Variants in YEATS2 observed in about 807,000 individuals in gnomAD.
YEATS2 encodes YEATS domain-containing protein 2.
A neutral mutation model predicts 163.2 loss-of-function variants in YEATS2; 77 were observed. The ratio of observed to expected loss-of-function variants is 0.47; its 90% CI spans 0.39 to 0.57. YEATS2 has a LOEUF of 0.57. Among genes scored for constraint, YEATS2 ranks in the 20% least tolerant of loss-of-function variants. YEATS2 has a pLI of 0.00. For missense variants in YEATS2, 1,549 were observed against 1,729.8 expected (o/e 0.90, Z 1.85); for synonymous variants, 631 against 645.1 (o/e 0.98, Z 0.33).
chr3:183,707,678 ATTTTTTTT>A (rs1176429941), intron 1 of YEATS2, among the ~76,000 whole-genome samples: 1 of 106,158 alleles, frequency 9.4e-6, no homozygotes, highest in Non-Finnish European at 1.9e-5. Flanking sequence ...TTCCCCACCT[ATTTTTTTT>A]TTTTTTTTTT....
Position 183,794,938 on chromosome 3 carries a change from C to T in YEATS2, c.3098-2985C>T, listed in dbSNP as rs1028155167. Among the ~76,000 whole-genome samples, 9 of 151,302 alleles carry T rather than the reference C, an allele frequency of 5.9e-5. No individual in the cohort carries two copies. The South Asian group carries it at 6.3e-4, about 11-fold the overall frequency. ...TAATTCCAGCAGTTTGGGAGGCCAA[C>T]GCAGGCAGATTGCTTGAGCTTGGGA... On this transcript the variant is annotated intron_variant, in intron 21 of 30. Transcript: ENST00000305135.
At chr3:183,788,890 T>A (rs1724326190) in intron 20 of YEATS2, among the ~76,000 whole-genome samples, 1 of 152,214 alleles carries the variant, frequency 6.6e-6, no homozygotes, top group Non-Finnish European at 1.5e-5. Context: ...ATGTTGAGCA[T>A]TTTTTTATAT....
chr3:183,727,194 A>AT (rs1717205144), intron 6 of YEATS2, among the ~76,000 whole-genome samples: 1 of 152,214 alleles, frequency 6.6e-6, no homozygotes. Flanking sequence ...TAAACATAAC[A>AT]TACACAAACC....
intron 9 of YEATS2, among the ~76,000 whole-genome samples, chr3:183,749,010 T>G (rs1285813523): frequency 6.6e-6 from 1 of 151,942 alleles, no homozygotes; most frequent in Non-Finnish European, 1.5e-5. Context: ...TGGCGTGATC[T>G]CCACTCACTG....
At chr3:183,729,434 A>C (rs568960687) in intron 7 of YEATS2, among the ~76,000 whole-genome samples, 1 of 152,288 alleles carries the variant, frequency 6.6e-6, no homozygotes, top group East Asian at 1.9e-4. Flanking sequence ...TGCATATGAA[A>C]ATGTTACTTC....
chr3:183,762,366 G>A (rs1721456016), intron 15 of YEATS2, 87 bp downstream of exon 15: 2 of 1,456,970 alleles, frequency 1.4e-6, no homozygotes, highest in Admixed American at 4.6e-5. Context: ...GATTCACGGT[G>A]ACAGGGTTGA....
chr3:183,792,526 T>A (rs1430604045), intron 21 of YEATS2, among the ~76,000 whole-genome samples: 1 of 152,178 alleles, frequency 6.6e-6, no homozygotes, highest in Non-Finnish European at 1.5e-5. Context: ...ACTGTATTAT[T>A]ATTATTTTTT....
chr3:183,756,391 G>A (rs1720769279), intron 11 of YEATS2, 137 bp from the exon 12 acceptor site: 2 of 726,380 alleles, frequency 2.8e-6, no homozygotes, highest in Non-Finnish European at 4.4e-6. Context: ...AGTACCGGGA[G>A]CACGCAGTAT....
intron 27 of YEATS2, chr3:183,806,575 CAGAG>C (rs1482493713): frequency 8.8e-6 from 4 of 456,486 alleles, no homozygotes; most frequent in African/African-American, 5.9e-5. Flanking sequence ...CCTTAATACT[CAGAG>C]GGAGGGGGAT....
Position 183,804,050 on chromosome 3 carries a change from C to T in YEATS2, c.3646C>T (p.His1216Tyr). 1 of 1,614,128 alleles carries T rather than the reference C, an allele frequency of 6.2e-7. No individual in the cohort carries two copies. Among genetic ancestry groups the T allele is most frequent in the Non-Finnish European group, 8.5e-7 (1 of 1,180,026 alleles). The change falls in exon 27 of 31, where the codon CAC (histidine) becomes TAC (tyrosine). Residue 1216 changes from histidine to tyrosine, a missense_variant. Physicochemically the swap from His to Tyr is moderately conservative, Grantham distance 83. Coordinates refer to ENST00000305135, the MANE Select transcript of YEATS2 (RefSeq NM_018023.5). ...AATCCTGGAGAAGAATCCGAGATTT[C>T]ACCACCTGACTCCCCTCAAAACCAA... ...QEILEKNPRF[H>Y]HLTPLKTKHI... is the part of the protein sequence containing the mutation.
At chr3:183,791,278 A>C (rs553488447) in intron 21 of YEATS2, among the ~76,000 whole-genome samples, 136 of 152,198 alleles carry the variant, frequency 8.9e-4, no homozygotes, top group African/African-American at 3.2e-3. Flanking sequence ...CAAGCAGTCC[A>C]CCCACCTCAG....
chr3:183,798,189 C>A (rs2108507764), intron 22 of YEATS2, 138 bp downstream of exon 22: 1 of 1,293,062 alleles, frequency 7.7e-7, no homozygotes, highest in Non-Finnish European at 1.0e-6. Flanking sequence ...TACAGCCACC[C>A]TTCAGCTGTC....
intron 1 of YEATS2, among the ~76,000 whole-genome samples, chr3:183,704,582 G>A (rs1453024051): frequency 6.6e-6 from 1 of 151,812 alleles, no homozygotes; most frequent in Non-Finnish European, 1.5e-5. Flanking sequence ...TCTACATTTT[G>A]CAGTAATTTG....
intron 8 of YEATS2, among the ~76,000 whole-genome samples, chr3:183,742,993 T>C (rs1455593336): frequency 2.6e-5 from 4 of 152,232 alleles, no homozygotes; most frequent in African/African-American, 4.8e-5. Flanking sequence ...AATTAAGTTA[T>C]GTAGATTATT....
intron 13 of YEATS2, among the ~76,000 whole-genome samples, chr3:183,761,128 C>T (rs973686679): frequency 6.6e-5 from 10 of 151,916 alleles, no homozygotes; most frequent in African/African-American, 1.9e-4. Flanking sequence ...GCTCTTGTCA[C>T]CCAGGCTGGA....
chr3:183,788,552 A>T (rs1203529021), intron 20 of YEATS2, among the ~76,000 whole-genome samples: 1 of 152,194 alleles, frequency 6.6e-6, no homozygotes, highest in Admixed American at 6.5e-5. Context: ...TCACCTGGTG[A>T]TGGACACTTA....
intron 1 of YEATS2, among the ~76,000 whole-genome samples, chr3:183,698,730 C>T (rs1326356028): frequency 2.0e-5 from 3 of 152,032 alleles, no homozygotes; most frequent in Non-Finnish European, 4.4e-5. Flanking sequence ...CAGAGTTGAC[C>T]CACGTTTTCC....
At position 183,777,678 on chromosome 3, in the gene YEATS2, A is replaced by G. The variant is rs1723130520; in HGVS notation, c.2714A>G (p.Gln905Arg). Residue 905 changes from glutamine (Q) to arginine (R), a missense_variant, in exon 19 of 31, where the codon CAG becomes CGG. Transcript: ENST00000305135. The part of the protein sequence containing the change: ...GQQTLKVISG[Q>R]KTTLFTQAAH... ...CAAACGCTAAAAGTCATCTCTGGAC[A>G]GAAAACCACATTGTTTACACAGGTA... is the stretch of plus-strand genomic sequence containing the variant. The G allele has an allele frequency of 6.2e-7, 1 of 1,614,196 alleles. No homozygotes were observed. The highest frequency in any genetic ancestry group is 8.5e-7 in the Non-Finnish European group (1 of 1,180,018).
At chr3:183,799,841 T>G (rs1725496831) in intron 23 of YEATS2, among the ~76,000 whole-genome samples, 2 of 149,470 alleles carry the variant, frequency 1.3e-5, no homozygotes, top group South Asian at 4.3e-4. Context: ...TCTTTTTTTT[T>G]TTTTGTTTTG....
Sources: allele counts gnomAD v4.1 joint callset (sites outside exome capture counted in the v4.1 genomes callset), GRCh38; gene constraint gnomAD v4.1.1; transcripts MANE v1.5; gene names NCBI Gene and HGNC (gene_info 2026-07-23, HGNC 2026-07-21).